Variants in ENTREP2 observed in about 807,000 individuals in gnomAD.
The protein encoded by ENTREP2 is endosomal transmembrane epsin interactor 2.
chr15:29,236,069 A>G, the ENTREP2 span, among the ~76,000 whole-genome samples: 3 of 152,232 alleles, frequency 2.0e-5, no homozygotes, highest in Non-Finnish European at 4.4e-5. Context: ...AACAATTGAT[A>G]TGAAAACTTT....
At chr15:29,172,958 T>A in the ENTREP2 span, among the ~76,000 whole-genome samples, 1 of 152,146 alleles carries the variant, frequency 6.6e-6, no homozygotes, top group Non-Finnish European at 1.5e-5. Flanking sequence ...GGCCCACCAG[T>A]GATAAAATCT....
At chr15:29,231,079 G>C in the ENTREP2 span, among the ~76,000 whole-genome samples, 1 of 152,098 alleles carries the variant, frequency 6.6e-6, no homozygotes, top group African/African-American at 2.4e-5. Flanking sequence ...CCTGCAACGT[G>C]AAGTTCCTAG....
the ENTREP2 span, among the ~76,000 whole-genome samples, chr15:29,565,736 G>A: frequency 6.6e-6 from 1 of 152,280 alleles, no homozygotes; most frequent in South Asian, 2.1e-4. Context: ...GGCTGAGGCA[G>A]GCGGATCACG....
the ENTREP2 span, among the ~76,000 whole-genome samples, chr15:29,589,452 C>T: frequency 1.3e-5 from 2 of 152,170 alleles, no homozygotes; most frequent in East Asian, 1.9e-4. Context: ...TTGTGTCTGA[C>T]ATCAATGAAC....
At chr15:29,156,644 G>A in the ENTREP2 span, among the ~76,000 whole-genome samples, 5 of 152,180 alleles carry the variant, frequency 3.3e-5, no homozygotes, top group Admixed American at 1.3e-4. Context: ...GAGCCCAGGA[G>A]GAGGCATGCA....
chr15:29,170,460 G>A, the ENTREP2 span, among the ~76,000 whole-genome samples: 1 of 151,994 alleles, frequency 6.6e-6, no homozygotes, highest in African/African-American at 2.4e-5. Flanking sequence ...AATGTGTTGA[G>A]AACAAATAAA....
At chr15:29,121,291 C>A in the ENTREP2 span, 1 of 152,284 alleles carries the variant, frequency 6.6e-6, no homozygotes. Context: ...TCTGCCCCGG[C>A]TGCATGAGGA....
chr15:29,158,042 T>C, the ENTREP2 span, among the ~76,000 whole-genome samples: 2 of 152,218 alleles, frequency 1.3e-5, no homozygotes, highest in African/African-American at 4.8e-5. Context: ...TAATGTACCA[T>C]TGCTAAAATA....
chr15:29,254,161 C>CAAAAAAAAAAAAAA, the ENTREP2 span, among the ~76,000 whole-genome samples: 2 of 61,334 alleles, frequency 3.3e-5, 1 homozygote, highest in Non-Finnish European at 5.5e-5. Context: ...TGTTAAAGAG[C>CAAAAAAAAAAAAAA]AAAAAAAAAA....
chr15:29,122,517 C>T, the ENTREP2 span: 2 of 152,150 alleles, frequency 1.3e-5, no homozygotes, highest in Admixed American at 6.5e-5. Context: ...CAAGTGAGCT[C>T]AGACACAAAG....
chr15:29,381,637 C>G, the ENTREP2 span: 6 of 688,360 alleles, frequency 8.7e-6, no homozygotes, highest in African/African-American at 1.8e-5. Context: ...CAGCATTCAG[C>G]AGTGAGATTT....
chr15:29,533,228 G>T, the ENTREP2 span, among the ~76,000 whole-genome samples: 1 of 152,154 alleles, frequency 6.6e-6, no homozygotes, highest in Non-Finnish European at 1.5e-5. Flanking sequence ...AGTGCGCTAT[G>T]TCTATCCACT....
chr15:29,370,850 G>A, the ENTREP2 span, among the ~76,000 whole-genome samples: 1 of 151,946 alleles, frequency 6.6e-6, no homozygotes, highest in Non-Finnish European at 1.5e-5. Context: ...CCTTGAACAT[G>A]ACTGAACCTT....
At chr15:29,119,236 G>A in the ENTREP2 span, among the ~76,000 whole-genome samples, 3 of 152,202 alleles carry the variant, frequency 2.0e-5, no homozygotes, top group South Asian at 2.1e-4. Context: ...CGTATATGCC[G>A]AAATGTATAT....
chr15:29,300,442 G>C, the ENTREP2 span, among the ~76,000 whole-genome samples: 2 of 144,008 alleles, frequency 1.4e-5, no homozygotes, highest in Non-Finnish European at 3.0e-5. Flanking sequence ...TGAGTGGATG[G>C]GATGGATGGA....
At chr15:29,491,786 G>C in the ENTREP2 span, among the ~76,000 whole-genome samples, 2 of 152,196 alleles carry the variant, frequency 1.3e-5, no homozygotes, top group African/African-American at 2.4e-5. Flanking sequence ...AGAACAACTA[G>C]AAAACAAGTT....
At chr15:29,266,355 T>C in the ENTREP2 span, 1 of 152,164 alleles carries the variant, frequency 6.6e-6, no homozygotes, top group Non-Finnish European at 1.5e-5. Context: ...GTATAAAATG[T>C]TGATGGGAGT....
chr15:29,319,647 G>A, the ENTREP2 span, among the ~76,000 whole-genome samples: 1 of 152,214 alleles, frequency 6.6e-6, no homozygotes, highest in African/African-American at 2.4e-5. Flanking sequence ...GAAAAAAGCT[G>A]AACAAACAGA....
the ENTREP2 span, among the ~76,000 whole-genome samples, chr15:29,250,528 G>A: frequency 2.0e-5 from 3 of 152,108 alleles, no homozygotes; most frequent in African/African-American, 7.2e-5. Context: ...GTGGGAAAAC[G>A]GTCTGAGATT....
Sources: gnomAD v4.1 joint callset for allele counts (sites outside exome capture counted in the v4.1 genomes callset) on GRCh38, gnomAD v4.1.1 for gene constraint, MANE v1.5 for transcripts, NCBI Gene and HGNC (gene_info 2026-07-23, HGNC 2026-07-21) for gene names.